Variants in ADK observed in about 807,000 individuals in gnomAD.
ADK encodes N6,N6-dimethyladenosine kinase.
A neutral mutation model predicts 44.7 loss-of-function variants in ADK; 24 were observed. That is an observed-to-expected ratio of 0.54 (90% CI 0.39 to 0.76). The LOEUF is 0.76. Among genes scored for constraint, ADK ranks in the 30% least tolerant of loss-of-function variants. The pLI is 0.00. For missense variants in ADK, 321 were observed against 425.1 expected, an observed-to-expected ratio of 0.76 and a Z score of 2.15; for synonymous variants, 128 against 142.6, an observed-to-expected ratio of 0.90 and a Z score of 0.73.
intron 7 of ADK, among the ~76,000 whole-genome samples, chr10:74,550,224 C>A (rs1250109282): frequency 6.6e-6 from 1 of 152,064 alleles, no homozygotes; most frequent in African/African-American, 2.4e-5. Flanking sequence ...GCATCCACCA[C>A]CATGCCCAGC....
intron 1 of ADK, among the ~76,000 whole-genome samples, chr10:74,167,298 T>G (rs1490748449): frequency 6.6e-6 from 1 of 152,192 alleles, no homozygotes; most frequent in Non-Finnish European, 1.5e-5. Context: ...TGAGCCACTG[T>G]GTCTGGCCAA....
chr10:74,183,419 G>A (rs1185175992), intron 1 of ADK, among the ~76,000 whole-genome samples: 1 of 152,108 alleles, frequency 6.6e-6, no homozygotes, highest in Non-Finnish European at 1.5e-5. Flanking sequence ...CAAAAAATAC[G>A]AAAATTTGCA....
At chr10:74,547,925 T>G (rs1048467692) in intron 7 of ADK, among the ~76,000 whole-genome samples, 1 of 152,206 alleles carries the variant, frequency 6.6e-6, no homozygotes, top group Non-Finnish European at 1.5e-5. Context: ...CCCAAAGTGC[T>G]GGGATTACAG....
intron 1 of ADK, among the ~76,000 whole-genome samples, chr10:74,156,234 A>T (rs1226288833): frequency 6.6e-6 from 1 of 152,238 alleles, no homozygotes; most frequent in Non-Finnish European, 1.5e-5. Context: ...TTTTGGGTAC[A>T]GGCCTAGACT....
intron 2 of ADK, among the ~76,000 whole-genome samples, chr10:74,218,561 A>G (rs1285011406): frequency 6.6e-6 from 1 of 152,182 alleles, no homozygotes; most frequent in Non-Finnish European, 1.5e-5. Flanking sequence ...CAAGACACAT[A>G]ATTGTCAGAT....
In ADK at chr10:74,155,779, C is replaced by T. The variant is rs375423212; in HGVS notation, c.65+4436C>T. On this transcript the variant is annotated intron_variant, in intron 1 of 10. Coordinates refer to ENST00000539909, the MANE Select transcript of ADK (RefSeq NM_006721.4). ...TGATCGCCTGACCTCGTGATCCACC[C>T]GCCTCAGCCTCCCAAAGTGCTGGAT... is the stretch of plus-strand genomic sequence containing the variant. Among the ~76,000 whole-genome samples the T allele has an allele frequency of 3.7e-4, 56 of 152,024 alleles. 1 individual carries two copies. In the Middle Eastern group the frequency reaches 0.01, roughly 28 times the overall value.
Position 74,541,032 on chromosome 10 carries a change from T to C in ADK, c.726+15606T>C, listed in dbSNP as rs189386443. 2.3e-4 allele frequency among the ~76,000 whole-genome samples: 35 copies of C among 152,200 alleles called. 1 individual carries two copies. Among genetic ancestry groups the C allele is most frequent in the Middle Eastern group, 6.8e-3 (2 of 294 alleles). ...TATTTTATTATTTATTTATTTATTTTGATATGGAGTCTTGCTCTGTTGCCC... is the reference window on the plus strand; with the variant it reads ...TATTTTATTATTTATTTATTTATTTCGATATGGAGTCTTGCTCTGTTGCCC... On this transcript the variant is annotated intron_variant, in intron 7 of 10. Transcript: ENST00000539909.
intron 9 of ADK, among the ~76,000 whole-genome samples, chr10:74,654,278 C>T (rs1233047837): frequency 1.3e-5 from 2 of 152,134 alleles, no homozygotes; most frequent in Non-Finnish European, 2.9e-5. Context: ...GGGACCAGGC[C>T]GCTAAAAAGA....
At chr10:74,638,450 C>A (rs1012630994) in intron 9 of ADK, among the ~76,000 whole-genome samples, 9 of 151,996 alleles carry the variant, frequency 5.9e-5, no homozygotes, top group African/African-American at 2.2e-4. Flanking sequence ...TCACTTGAGG[C>A]CAGGAGTTCA....
At chr10:74,596,998 A>T (rs1180939057) in intron 8 of ADK, among the ~76,000 whole-genome samples, 1 of 152,204 alleles carries the variant, frequency 6.6e-6, no homozygotes, top group Non-Finnish European at 1.5e-5. Context: ...ATGAGCTTTC[A>T]ACTCATACTT....
intron 10 of ADK, among the ~76,000 whole-genome samples, chr10:74,705,193 C>T (rs1461241776): frequency 6.6e-6 from 1 of 152,198 alleles, no homozygotes; most frequent in African/African-American, 2.4e-5. Flanking sequence ...TCATCCCCCT[C>T]AGGCTGCCCA....
chr10:74,345,114 A>G (rs1428591516), intron 4 of ADK, among the ~76,000 whole-genome samples: 2 of 152,220 alleles, frequency 1.3e-5, no homozygotes, highest in Non-Finnish European at 2.9e-5. Context: ...TTTCTTGATT[A>G]CTAATTTAAT....
intron 6 of ADK, among the ~76,000 whole-genome samples, chr10:74,405,050 CTT>C (rs1287270364): frequency 2.0e-5 from 3 of 152,152 alleles, no homozygotes; most frequent in African/African-American, 7.2e-5. Flanking sequence ...CACTGACACT[CTT>C]TTTTTATTTT....
intron 3 of ADK, among the ~76,000 whole-genome samples, chr10:74,244,394 G>A (rs1315873247): frequency 6.6e-6 from 1 of 151,838 alleles, no homozygotes; most frequent in Admixed American, 6.6e-5. Context: ...GTGTAGATGA[G>A]CTCAGTGGAA....
At chr10:74,417,310 A>G (rs1026135104) in intron 6 of ADK, among the ~76,000 whole-genome samples, 8 of 152,178 alleles carry the variant, frequency 5.3e-5, no homozygotes, top group Non-Finnish European at 7.4e-5. Flanking sequence ...CTACATTAAT[A>G]TAACGGAAGA....
chr10:74,495,760 A>C (rs1351441963), intron 6 of ADK, among the ~76,000 whole-genome samples: 1 of 152,140 alleles, frequency 6.6e-6, no homozygotes, highest in Non-Finnish European at 1.5e-5. Flanking sequence ...GACACTTGTC[A>C]GGCTATATGA....
At chr10:74,159,004 C>T (rs577149952) in intron 1 of ADK, among the ~76,000 whole-genome samples, 8 of 152,310 alleles carry the variant, frequency 5.3e-5, no homozygotes, top group African/African-American at 1.9e-4. Flanking sequence ...GTTTCACATA[C>T]TGCTTGAAGA....
intron 7 of ADK, among the ~76,000 whole-genome samples, chr10:74,552,703 G>A (rs1850078126): frequency 6.6e-6 from 1 of 151,190 alleles, no homozygotes; most frequent in African/African-American, 2.4e-5. Flanking sequence ...ACAAATGATT[G>A]TATCCAGAAA....
chr10:74,212,438 A>G (rs1257131504), intron 2 of ADK, among the ~76,000 whole-genome samples: 2 of 152,230 alleles, frequency 1.3e-5, no homozygotes, highest in Non-Finnish European at 2.9e-5. Context: ...AGATGTGGAA[A>G]GAAATCACTT....
Sources: gnomAD v4.1 joint callset for allele counts (sites outside exome capture counted in the v4.1 genomes callset) on GRCh38, gnomAD v4.1.1 for gene constraint, MANE v1.5 for transcripts, NCBI Gene and HGNC (gene_info 2026-07-23, HGNC 2026-07-21) for gene names.